SLC9A3: variants seen among roughly 807,000 people sequenced by gnomAD.
SLC9A3 encodes the protein sodium/hydrogen exchanger 3.
SLC9A3 carries 37 observed loss-of-function variants against 86.8 expected under a neutral mutation model. The ratio of observed to expected loss-of-function variants is 0.43; its 90% CI spans 0.33 to 0.56. The LOEUF is 0.56. Ranked by LOEUF, SLC9A3 falls within the 20% of genes least tolerant of loss-of-function variation. The probability of loss-of-function intolerance (pLI) is 0.06; values close to 1 mark genes in which losing one functional copy is unlikely to be tolerated. For synonymous variants in SLC9A3, 581 were observed against 528.3 expected (o/e 1.10, Z -1.37); for missense variants, 1,011 against 1,171.9 (o/e 0.86, Z 2.00).
rs1243429833 is a variant in SLC9A3 at position 473,032 on chromosome 5, G to C, written c.*347C>G. The C allele has an allele frequency of 9.8e-6, 4 of 406,896 alleles. No homozygotes were observed. The highest frequency in any genetic ancestry group is 6.3e-5 in the African/African-American group (3 of 47,302). The allele number at this position is 406,896 out of a possible 1,614,324, so 25.2% of individuals were successfully genotyped here. ...TGGCACGAGGGCGGCAGCGACGCCAGCTTCAGCAGCGCGGGGCGGCGGCGC... is the reference window on the plus strand; with the variant it reads ...TGGCACGAGGGCGGCAGCGACGCCACCTTCAGCAGCGCGGGGCGGCGGCGC... On this transcript the variant is annotated 3_prime_UTR_variant, in exon 17 of 17. Transcript: ENST00000264938.
chr5:501,466 C>T (rs563639326), intron 1 of SLC9A3, among the ~76,000 whole-genome samples: 6 of 152,294 alleles, frequency 3.9e-5, no homozygotes, highest in South Asian at 2.1e-4. Context: ...GGAAGGAGGG[C>T]GGAAGCACAG....
Position 482,049 on chromosome 5 carries a change from C to T in SLC9A3, c.1446+19G>A. The T allele has an allele frequency of 4.6e-6, 4 of 874,296 alleles. No individual in the cohort carries two copies. Among genetic ancestry groups the T allele is most frequent in the Non-Finnish European group, 7.2e-6 (4 of 556,824 alleles). 54.2% of individuals were successfully genotyped at this position (874,296 alleles called of 1,614,324 possible). A position where few individuals can be genotyped will look rare whatever the true frequency, so the allele number is the denominator to read the frequency against. On this transcript the variant is annotated intron_variant, in intron 8 of 16. Transcript: ENST00000264938. ...GGAACACGCAGTGCCCCCCCCCCGC[C>T]CCCCAGCCCCGCACTTACGCGCCCG...
At position 475,044 on chromosome 5, in the gene SLC9A3, C is replaced by T. The variant is rs1232061138; in HGVS notation, c.2340G>A (p.Thr780=). The change falls in exon 16 of 17, where the codon ACG becomes ACA. Residue 780 remains threonine (T), a synonymous_variant. Coordinates refer to ENST00000264938, the MANE Select transcript of SLC9A3 (RefSeq NM_004174.4). ...RLPPWLSPGE[T]VVPSQRARTQ... is the part of the protein sequence containing the mutation. ...TGCGGGCCCTCTGCGAGGGGACCAC[C>T]GTCTCCCCGGGAGACAGCCAGGGCG... The T allele has an allele frequency of 1.4e-5, 22 of 1,612,234 alleles. No homozygotes were observed. The highest frequency in any genetic ancestry group is 1.9e-5 in the Non-Finnish European group (22 of 1,179,746).
chr5:481,717 C>T (rs1485512514), intron 8 of SLC9A3, 82 bp from the exon 9 acceptor site: 8 of 1,208,664 alleles, frequency 6.6e-6, no homozygotes, highest in African/African-American at 1.5e-5. Flanking sequence ...GGCCCAGCCC[C>T]GAGGAACCCA....
intron 2 of SLC9A3, among the ~76,000 whole-genome samples, chr5:489,825 C>T (rs952918602): frequency 6.6e-6 from 1 of 152,216 alleles, no homozygotes; most frequent in Non-Finnish European, 1.5e-5. Flanking sequence ...GGCCGGCAGC[C>T]TTCCCGTCTG....
rs918941445 is a variant in SLC9A3, at chr5:471,947, G to A, written c.*1432C>T. 4.4e-6 allele frequency: 2 copies of A among 456,654 alleles called. No individual in the cohort carries two copies. 28.3% of individuals were successfully genotyped at this position (456,654 alleles called of 1,614,324 possible). Reference sequence around the variant, plus strand: ...ACTCTTTAAGAACTCCTCCTGACTGGTGACTGTCAACACTTGATCTGAAAC... The same window carrying A: ...ACTCTTTAAGAACTCCTCCTGACTGATGACTGTCAACACTTGATCTGAAAC... On this transcript the variant is annotated 3_prime_UTR_variant, in exon 17 of 17. Coordinates refer to ENST00000264938, the MANE Select transcript of SLC9A3 (RefSeq NM_004174.4).
intron 1 of SLC9A3, among the ~76,000 whole-genome samples, chr5:514,504 C>T (rs1733668305): frequency 6.6e-6 from 1 of 152,210 alleles, no homozygotes. Flanking sequence ...CTCACTGTGG[C>T]CCCTCAGGCA....
intron 1 of SLC9A3, among the ~76,000 whole-genome samples, chr5:508,579 G>A (rs369239246): frequency 2.9e-5 from 4 of 137,222 alleles, no homozygotes; most frequent in South Asian, 2.4e-4. Flanking sequence ...CAGCGCGCCC[G>A]GGGATGGAGA....
In SLC9A3 at chr5:497,285, T is replaced by G. The variant is rs1488473052; in HGVS notation, c.212-5214A>C. 6.6e-6 allele frequency among the ~76,000 whole-genome samples: 1 copy of G among 152,124 alleles called. No homozygotes were observed. Among genetic ancestry groups the G allele is most frequent in the Non-Finnish European group, 1.5e-5 (1 of 68,020 alleles). On this transcript the variant is annotated intron_variant, in intron 1 of 16. Coordinates refer to ENST00000264938, the MANE Select transcript of SLC9A3 (RefSeq NM_004174.4). This position sits in a 1 kb window ranked among gnomAD's most constrained non-coding sequence, Gnocchi z 5.4. ...CACTGCTCTGCCTCGGGCGACACGG[T>G]GCACTGGCCGAATTCCCTCCAGGTG...
In SLC9A3 at chr5:484,681, C is replaced by G; in HGVS notation, c.771G>C (p.Val257=). ...CVKGIVSFFV[V]SLGGTLVGVV... ...CCCCCACCAGCGTGCCCCCCAGGCT[C>G]ACCACGAAGAAGGACACTGGGTAGA... is the stretch of plus-strand genomic sequence containing the variant. The change falls in exon 5 of 17, where the codon GTG becomes GTC. Residue 257 remains valine, a synonymous_variant. Coordinates refer to ENST00000264938, the MANE Select transcript of SLC9A3 (RefSeq NM_004174.4). 1 of 1,613,028 alleles carries G rather than the reference C, an allele frequency of 6.2e-7. No homozygotes were observed. The highest frequency in any genetic ancestry group is 2.2e-5 in the East Asian group (1 of 44,878).
At position 491,391 on chromosome 5, in the gene SLC9A3, T is replaced by A. The variant is rs1445639057; in HGVS notation, c.514+378A>T. Among the ~76,000 whole-genome samples, 1 of 152,134 alleles carries A rather than the reference T, an allele frequency of 6.6e-6. No individual in the cohort carries two copies. Among genetic ancestry groups the A allele is most frequent in the East Asian group, 1.9e-4 (1 of 5,196 alleles). On this transcript the variant is annotated intron_variant, in intron 2 of 16. Coordinates refer to ENST00000264938, the MANE Select transcript of SLC9A3 (RefSeq NM_004174.4). The surrounding 1 kb of genome is among the most constrained non-coding windows in gnomAD (Gnocchi z 9.2). ...GGCCGAGCGGCTCCGGCACACAGGC[T>A]GGGAGGGACGGTGCCCGATACACCA... is the stretch of plus-strand genomic sequence containing the variant.
At chr5:490,978 G>A (rs1257708986) in intron 2 of SLC9A3, among the ~76,000 whole-genome samples, 1 of 152,246 alleles carries the variant, frequency 6.6e-6, no homozygotes, top group Non-Finnish European at 1.5e-5. Flanking sequence ...TCAGGTTTCA[G>A]CCCCTTGATT....
chr5:486,680 A>G (rs1739486409), intron 3 of SLC9A3, among the ~76,000 whole-genome samples: 1 of 152,304 alleles, frequency 6.6e-6, no homozygotes, highest in East Asian at 1.9e-4. Flanking sequence ...GTGAGCGTGA[A>G]AAAGGGGAGT....
At chr5:513,289 C>T (rs1733625989) in intron 1 of SLC9A3, among the ~76,000 whole-genome samples, 2 of 152,256 alleles carry the variant, frequency 1.3e-5, no homozygotes, top group South Asian at 4.1e-4. Context: ...TTACCATGGG[C>T]AGTATCTGGG....
At position 488,325 on chromosome 5, in the gene SLC9A3, T is replaced by C; in HGVS notation, c.666A>G (p.Ala222=). ...IVFGESLLND[A]VTVVLYNVFE... ...TGGCTCCGTTGCTCACCACGGTGAC[T>C]GCGTCGTTCAGCAGCGACTCCCCGA... is the stretch of plus-strand genomic sequence containing the variant. The change falls in exon 3 of 17, where the codon GCA becomes GCG. Residue 222 remains alanine, a synonymous_variant. Coordinates refer to ENST00000264938, the MANE Select transcript of SLC9A3 (RefSeq NM_004174.4). 1 of 1,612,546 alleles carries C rather than the reference T, an allele frequency of 6.2e-7. No homozygotes were observed. Among genetic ancestry groups the C allele is most frequent in the Non-Finnish European group, 8.5e-7 (1 of 1,179,826 alleles).
In SLC9A3 at chr5:473,213, A is replaced by ACTC. The variant is rs1738491730; in HGVS notation, c.*163_*165dup. 1.4e-6 allele frequency: 1 copy of ACTC among 707,792 alleles called. No individual in the cohort carries two copies. The highest frequency in any genetic ancestry group is 2.1e-5 in the African/African-American group (1 of 47,394). The allele number at this position is 707,792 out of a possible 1,614,324, so 43.8% of individuals were successfully genotyped here. A position where few individuals can be genotyped will look rare whatever the true frequency, so the allele number is the denominator to read the frequency against. ...GCGGCTCTGCGGGCGCAGGCGCGGC[A>ACTC]CTCTCGGAGTTCTGCGCAGGCGCTG... is the stretch of plus-strand genomic sequence containing the variant. On this transcript the variant is annotated 3_prime_UTR_variant, in exon 17 of 17. Transcript: ENST00000264938.
chr5:513,732 C>T (rs1733641639), intron 1 of SLC9A3, among the ~76,000 whole-genome samples: 2 of 152,206 alleles, frequency 1.3e-5, no homozygotes, highest in Non-Finnish European at 2.9e-5. Flanking sequence ...CCGGGCCACC[C>T]TCGCCTTCTC....
At chr5:499,116 G>A (rs1286685414) in intron 1 of SLC9A3, among the ~76,000 whole-genome samples, 2 of 152,240 alleles carry the variant, frequency 1.3e-5, no homozygotes, top group Admixed American at 6.5e-5. Flanking sequence ...CTCAGAGGGC[G>A]TCCTCAGCCT....
chr5:488,520 C>T (rs1311292225), intron 2 of SLC9A3, 44 bp from the exon 3 acceptor site: 2 of 1,485,304 alleles, frequency 1.3e-6, no homozygotes, highest in Non-Finnish European at 1.8e-6. Flanking sequence ...GGGCCTGCCA[C>T]CCGAGGAGGA....
Sources: allele counts gnomAD v4.1 joint callset (sites outside exome capture counted in the v4.1 genomes callset), GRCh38; gene constraint gnomAD v4.1.1; non-coding constraint Gnocchi (gnomAD v3.1); transcripts MANE v1.5; gene names NCBI Gene and HGNC (gene_info 2026-07-23, HGNC 2026-07-21).